Variants in TRPV5 observed in about 807,000 individuals in gnomAD.
TRPV5 encodes the protein transient receptor potential cation channel subfamily V member 5, also known as calcium transport protein 2.
Under a neutral mutation model 74.1 loss-of-function variants are expected in TRPV5, and 66 were observed. The observed-to-expected ratio is 0.89, with a 90% CI of 0.73 to 1.09. The LOEUF (loss-of-function observed/expected upper bound fraction) is 1.09, where lower values mean the gene tolerates loss of function less well. TRPV5 is among the 50% of genes least tolerant of loss of function. The pLI, the probability that TRPV5 is intolerant of heterozygous loss-of-function variation, is 0.00. For missense variants in TRPV5, 936 were observed against 930.4 expected, an observed-to-expected ratio of 1.01 and a Z score of -0.08; for synonymous variants, 399 against 360.7, an observed-to-expected ratio of 1.11 and a Z score of -1.20.
At chr7:142,912,836 T>TGATC (rs1554239679) in intron 12 of TRPV5, 86 bp from the exon 13 acceptor site, 18 of 931,878 alleles carry the variant, frequency 1.9e-5, no homozygotes, top group Middle Eastern at 2.8e-4. Flanking sequence ...ATTCTATCTC[T>TGATC]GATCTATCTA....
In TRPV5 at chr7:142,914,975, G is replaced by T; in HGVS notation, c.1358C>A (p.Pro453His). 6.2e-7 allele frequency: 1 copy of T among 1,614,084 alleles called. No homozygotes were observed. ...GCCCAGCACCAGGGCAAAGGACATG[G>T]GCACCACCTCCCCATTGGTGTTGGT... is the stretch of plus-strand genomic sequence containing the variant. ...RLTNTNGEVV[P>H]MSFALVLGWC... Residue 453 changes from proline (P) to histidine (H), a missense_variant, in exon 11 of 15, where the codon CCC (proline) becomes CAC (histidine). Coordinates refer to ENST00000265310, the MANE Select transcript of TRPV5 (RefSeq NM_019841.7).
At chr7:142,927,957 A>T in intron 7 of TRPV5, 131 bp downstream of exon 7, 1 of 1,107,142 alleles carries the variant, frequency 9.0e-7, no homozygotes, top group Non-Finnish European at 1.3e-6. Context: ...ATGTCCCAGG[A>T]GACTATTCTC....
At chr7:142,918,723 A>G (rs530453421) in intron 8 of TRPV5, among the ~76,000 whole-genome samples, 26 of 152,270 alleles carry the variant, frequency 1.7e-4, no homozygotes, top group South Asian at 8.3e-4. Context: ...GAGCTAAAAG[A>G]AAGAAAAACT....
chr7:142,931,616 C>T (rs4252388), intron 1 of TRPV5, among the ~76,000 whole-genome samples: 7,045 of 152,222 alleles, frequency 0.046, 265 homozygotes, highest in African/African-American at 0.1. Flanking sequence ...AAGGACAGGC[C>T]GATGAGTGGC....
At position 142,930,341 on chromosome 7, in the gene TRPV5, G is replaced by T; in HGVS notation, c.226+8C>A. On this transcript the variant is annotated splice_region_variant and intron_variant, in intron 2 of 14. Coordinates refer to ENST00000265310, the MANE Select transcript of TRPV5 (RefSeq NM_019841.7). ...CCCCACCTCCATCCCATTAAATCCA[G>T]ATCCCACCTCTTTGTCGAACGTCAC... 1 of 1,613,910 alleles carries T rather than the reference G, an allele frequency of 6.2e-7. No individual in the cohort carries two copies. Among genetic ancestry groups the T allele is most frequent in the South Asian group, 1.1e-5 (1 of 91,078 alleles).
intron 8 of TRPV5, among the ~76,000 whole-genome samples, chr7:142,919,058 A>G (rs948018147): frequency 6.6e-6 from 1 of 152,180 alleles, no homozygotes; most frequent in African/African-American, 2.4e-5. Flanking sequence ...GCCTTCCTCC[A>G]CCATGTTGAC....
At chr7:142,910,661 T>G (rs1795689299) in intron 13 of TRPV5, among the ~76,000 whole-genome samples, 1 of 152,226 alleles carries the variant, frequency 6.6e-6, no homozygotes, top group South Asian at 2.1e-4. Flanking sequence ...TTCTTTCAGT[T>G]TCTTAATTGC....
rs778485071 is a variant in TRPV5, at chr7:142,912,763, G to A, written c.1520-13C>T. The A allele has an allele frequency of 1.9e-6, 3 of 1,610,540 alleles. No homozygotes were observed. Among genetic ancestry groups the A allele is most frequent in the South Asian group, 1.1e-5 (1 of 90,952 alleles). On this transcript the variant is annotated splice_polypyrimidine_tract_variant and intron_variant, in intron 12 of 14. Coordinates refer to ENST00000265310, the MANE Select transcript of TRPV5 (RefSeq NM_019841.7). The stretch of plus-strand genomic sequence containing the variant: ...ATGATATAGAACGCTGCTCCGCCCA[G>A]GAAGAGGACATGGAGATGGGATAAT...
At chr7:142,928,020 GT>G in intron 7 of TRPV5, 67 bp downstream of exon 7, 1 of 1,592,738 alleles carries the variant, frequency 6.3e-7, no homozygotes, top group Non-Finnish European at 8.6e-7. Context: ...ATCTTAGTAA[GT>G]GGACAGACTC....
At chr7:142,932,442 G>A (rs190385336) in intron 1 of TRPV5, among the ~76,000 whole-genome samples, 2 of 152,288 alleles carry the variant, frequency 1.3e-5, no homozygotes, top group African/African-American at 4.8e-5. Flanking sequence ...GCAAATGCAG[G>A]ACCCCTTGTT....
intron 11 of TRPV5, 37 bp from the exon 12 acceptor site, chr7:142,914,743 C>G (rs140090060): frequency 4.3e-6 from 7 of 1,611,260 alleles, no homozygotes; most frequent in Non-Finnish European, 5.9e-6. Flanking sequence ...TGGGATGATT[C>G]CTTTTCCACT....
At chr7:142,932,194 C>T (rs1372702844) in intron 1 of TRPV5, among the ~76,000 whole-genome samples, 1 of 152,048 alleles carries the variant, frequency 6.6e-6, no homozygotes, top group Non-Finnish European at 1.5e-5. Context: ...GCAAATTCAC[C>T]CCCATCCTGA....
chr7:142,914,548 G>A (rs1795758277), intron 12 of TRPV5, 92 bp downstream of exon 12: 1 of 1,081,414 alleles, frequency 9.2e-7, no homozygotes, highest in African/African-American at 1.6e-5. Flanking sequence ...AAAGCAAAAT[G>A]AAGTGCAAAT....
chr7:142,928,802 G>T lies in TRPV5; in HGVS notation c.651C>A (p.Asn217Lys), dbSNP rs375289748. Residue 217 changes from asparagine to lysine, a missense_variant, in exon 6 of 15, where the codon AAC becomes AAA. Coordinates refer to ENST00000265310, the MANE Select transcript of TRPV5 (RefSeq NM_019841.7). ...PNKTFACQMY[N>K]LLLSYDGHGD... is the part of the protein sequence containing the mutation. ...CATGTCCATCATAGGACAGCAGCAG[G>T]TTGTACATCTGGCAGGCAAAGGTTT... 3.1e-6 allele frequency: 5 copies of T among 1,614,058 alleles called. No individual in the cohort carries two copies. In the African/African-American group the frequency reaches 6.7e-5, roughly 22 times the overall value.
At chr7:142,918,963 T>C (rs1795841109) in intron 8 of TRPV5, among the ~76,000 whole-genome samples, 1 of 152,228 alleles carries the variant, frequency 6.6e-6, no homozygotes, top group African/African-American at 2.4e-5. Flanking sequence ...CCTCATACCC[T>C]GTGTGAGCTC....
intron 8 of TRPV5, chr7:142,924,785 C>A (rs1423362063): frequency 6.6e-6 from 1 of 152,188 alleles, no homozygotes; most frequent in African/African-American, 2.4e-5. Context: ...GTCAACCCCT[C>A]AAATATAGCT....
intron 8 of TRPV5, among the ~76,000 whole-genome samples, chr7:142,917,598 C>T (rs1795822867): frequency 6.6e-6 from 1 of 152,198 alleles, no homozygotes; most frequent in African/African-American, 2.4e-5. Context: ...GCTGGGGCTT[C>T]CTCTCACCAG....
At chr7:142,914,794 T>C (rs1795764371) in intron 11 of TRPV5, 87 bp downstream of exon 11, 19 of 1,608,880 alleles carry the variant, frequency 1.2e-5, no homozygotes, top group Admixed American at 1.7e-5. Context: ...GAGGCCCCCA[T>C]AGTTCTACCA....
intron 8 of TRPV5, among the ~76,000 whole-genome samples, chr7:142,915,915 C>T (rs1795788177): frequency 6.6e-6 from 1 of 152,218 alleles, no homozygotes; most frequent in African/African-American, 2.4e-5. Context: ...GTATTAGTGG[C>T]TTGGGATGGT....
Sources: gnomAD v4.1 joint callset for allele counts (sites outside exome capture counted in the v4.1 genomes callset) on GRCh38, gnomAD v4.1.1 for gene constraint, MANE v1.5 for transcripts, NCBI Gene and HGNC (gene_info 2026-07-23, HGNC 2026-07-21) for gene names.